TASP1: variants seen among roughly 807,000 people sequenced by gnomAD.
The protein encoded by TASP1 is taspase 1, also known as threonine aspartase 1.
A neutral mutation model predicts 56.6 loss-of-function variants in TASP1; 16 were observed. The ratio of observed to expected loss-of-function variants is 0.28; its 90% CI spans 0.19 to 0.43. TASP1 has a LOEUF of 0.43. Among genes scored for constraint, TASP1 ranks in the 20% least tolerant of loss-of-function variants. The pLI, the probability that TASP1 is intolerant of heterozygous loss-of-function variation, is 1.00. For synonymous variants in TASP1, 179 were observed against 184.2 expected (o/e 0.97, Z 0.23); for missense variants, 393 against 511.6 (o/e 0.77, Z 2.24).
chr20:13,208,348 T>C, the TASP1 span, among the ~76,000 whole-genome samples: 3 of 152,196 alleles, frequency 2.0e-5, no homozygotes, highest in Non-Finnish European at 4.4e-5. Context: ...ATCCCTGTTA[T>C]AGGAAAACTA....
the TASP1 span, among the ~76,000 whole-genome samples, chr20:13,116,201 C>A: frequency 5.9e-5 from 9 of 152,112 alleles, no homozygotes; most frequent in Admixed American, 1.3e-4. Context: ...ACTGAATCGA[C>A]CTAACACTTA....
intron 8 of TASP1, among the ~76,000 whole-genome samples, chr20:13,538,845 C>T (rs1041910135): frequency 1.3e-5 from 2 of 152,036 alleles, no homozygotes; most frequent in African/African-American, 4.8e-5. Context: ...GAGTTCAAGA[C>T]TAGCCTGGCC....
chr20:13,339,663 G>A, the TASP1 span, among the ~76,000 whole-genome samples: 4 of 152,160 alleles, frequency 2.6e-5, no homozygotes, highest in East Asian at 7.7e-4. Context: ...GATCTGCATA[G>A]GATATGATAC....
At chr20:13,469,723 G>A (rs1375735465) in intron 11 of TASP1, among the ~76,000 whole-genome samples, 5 of 135,318 alleles carry the variant, frequency 3.7e-5, no homozygotes, top group Non-Finnish European at 7.8e-5. Context: ...CAAATTTAGT[G>A]TTAACTCAAT....
the TASP1 span, among the ~76,000 whole-genome samples, chr20:13,292,124 A>G: frequency 2.0e-5 from 3 of 152,184 alleles, no homozygotes; most frequent in African/African-American, 7.2e-5. Flanking sequence ...GGGCTCAGTG[A>G]GTGAGTTCCT....
the TASP1 span, among the ~76,000 whole-genome samples, chr20:13,343,749 C>G: frequency 6.6e-6 from 1 of 152,182 alleles, no homozygotes; most frequent in Non-Finnish European, 1.5e-5. Flanking sequence ...ACCTGCAATT[C>G]CCATTCGCCA....
At chr20:13,418,474 C>G (rs2042334908) in intron 12 of TASP1, among the ~76,000 whole-genome samples, 1 of 152,108 alleles carries the variant, frequency 6.6e-6, no homozygotes, top group Non-Finnish European at 1.5e-5. Context: ...AAGTCAGAAC[C>G]AGTGAGCCCA....
intron 11 of TASP1, among the ~76,000 whole-genome samples, chr20:13,451,175 T>TC (rs2043602930): frequency 6.6e-6 from 1 of 152,106 alleles, no homozygotes; most frequent in Non-Finnish European, 1.5e-5. Flanking sequence ...TGCTGTCATC[T>TC]AGACTTTGTT....
Position 13,636,471 on chromosome 20 carries a change from C to T in TASP1, c.-75+2423G>A, listed in dbSNP as rs577266950. 9.9e-5 allele frequency among the ~76,000 whole-genome samples: 15 copies of T among 152,020 alleles called. No homozygotes were observed. In the South Asian group the frequency reaches 2.9e-3, roughly 30 times the overall value. On this transcript the variant is annotated intron_variant, in intron 1 of 13. Transcript: ENST00000337743. ...CACCACACCCAGCCTTGTGTTGTTG[C>T]TTTTAACATCGTGATATTGAAGGTT...
At chr20:13,147,196 T>G in the TASP1 span, among the ~76,000 whole-genome samples, 1 of 152,100 alleles carries the variant, frequency 6.6e-6, no homozygotes. Flanking sequence ...GGAACATGTG[T>G]ATGTGACTAT....
chr20:13,349,384 G>A, the TASP1 span, among the ~76,000 whole-genome samples: 25 of 152,292 alleles, frequency 1.6e-4, no homozygotes, highest in South Asian at 4.4e-3. Flanking sequence ...CTTCAGAATA[G>A]CTAGAAAAGT....
At position 13,623,434 on chromosome 20, in the gene TASP1, G is replaced by C. The variant is rs1166562273; in HGVS notation, c.282+12C>G. On this transcript the variant is annotated intron_variant, in intron 4 of 13. Transcript: ENST00000337743. ...TCACAAATATTTTAAATAAAACAGA[G>C]AAAAGAAATACCTCAAGTTCCACCA... The C allele has an allele frequency of 6.3e-7, 1 of 1,595,016 alleles. No individual in the cohort carries two copies. Among genetic ancestry groups the C allele is most frequent in the Non-Finnish European group, 8.6e-7 (1 of 1,166,134 alleles).
chr20:13,456,810 A>G (rs1256898664), intron 11 of TASP1, among the ~76,000 whole-genome samples: 1 of 152,126 alleles, frequency 6.6e-6, no homozygotes, highest in Non-Finnish European at 1.5e-5. Flanking sequence ...ATAAAATAAA[A>G]TAAAAAGCTT....
chr20:13,468,636 T>C (rs1197708985), intron 11 of TASP1, among the ~76,000 whole-genome samples: 2 of 152,176 alleles, frequency 1.3e-5, no homozygotes, highest in Admixed American at 6.5e-5. Flanking sequence ...TTAGTCAATA[T>C]ACTGTGCAAC....
chr20:13,384,831 TGCTG>T (rs1247854816), downstream of TASP1, among the ~76,000 whole-genome samples: 1 of 152,238 alleles, frequency 6.6e-6, no homozygotes, highest in Non-Finnish European at 1.5e-5. Context: ...GATTCATTGC[TGCTG>T]GGCTCAGCCT....
intron 10 of TASP1, among the ~76,000 whole-genome samples, chr20:13,513,571 A>G (rs1237991131): frequency 1.3e-5 from 2 of 152,196 alleles, no homozygotes; most frequent in Non-Finnish European, 2.9e-5. Context: ...GCACTCCTCA[A>G]GAAATTGTGC....
At chr20:13,343,596 C>T in the TASP1 span, among the ~76,000 whole-genome samples, 9 of 150,258 alleles carry the variant, frequency 6.0e-5, no homozygotes, top group Non-Finnish European at 1.2e-4. Flanking sequence ...CCGCCCCCGC[C>T]CCCACTGTGG....
chr20:13,134,131 T>C, the TASP1 span, among the ~76,000 whole-genome samples: 1 of 152,176 alleles, frequency 6.6e-6, no homozygotes, highest in South Asian at 2.1e-4. Context: ...AGCTACCATA[T>C]AACAATCCAC....
chr20:13,365,989 GA>G, the TASP1 span, among the ~76,000 whole-genome samples: 1 of 152,178 alleles, frequency 6.6e-6, no homozygotes, highest in Non-Finnish European at 1.5e-5. Context: ...CAGAGATGAG[GA>G]AAAGACGGGA....
Sources: allele counts gnomAD v4.1 joint callset (sites outside exome capture counted in the v4.1 genomes callset), GRCh38; gene constraint gnomAD v4.1.1; transcripts MANE v1.5; gene names NCBI Gene and HGNC (gene_info 2026-07-23, HGNC 2026-07-21).